Variants in CHD9 observed in about 807,000 individuals in gnomAD.
CHD9 encodes the protein chromodomain helicase DNA binding protein 9.
Under a neutral mutation model 316.1 loss-of-function variants are expected in CHD9, and 77 were observed. The ratio of observed to expected loss-of-function variants is 0.24; its 90% CI spans 0.20 to 0.29. The LOEUF (loss-of-function observed/expected upper bound fraction) is 0.29, where lower values mean the gene tolerates loss of function less well. CHD9 is among the 10% of genes least tolerant of loss of function. The pLI, the probability that CHD9 is intolerant of heterozygous loss-of-function variation, is 1.00. For synonymous variants in CHD9, 1,129 were observed against 1,158.3 expected (o/e 0.97, Z 0.51); for missense variants, 2,763 against 3,438.1 (o/e 0.80, Z 4.91).
At position 53,133,674 on chromosome 16, in the gene CHD9, G is replaced by A. The variant is rs532695339; in HGVS notation, c.-164-22252G>A. Among the ~76,000 whole-genome samples, 3 of 152,238 alleles carry A rather than the reference G, an allele frequency of 2.0e-5. No homozygotes were observed. The East Asian group carries it at 5.8e-4, about 29-fold the overall frequency. On this transcript the variant is annotated intron_variant, in intron 1 of 38. Transcript: ENST00000447540. ...ATCCTCTGAAATCAAAAACTTATGGGGTGGGCAGATATGAATACAGATAGA... is the reference window on the plus strand; with the variant it reads ...ATCCTCTGAAATCAAAAACTTATGGAGTGGGCAGATATGAATACAGATAGA...
chr16:53,225,190 A>T (rs1318940141), intron 4 of CHD9, among the ~76,000 whole-genome samples: 2 of 152,136 alleles, frequency 1.3e-5, no homozygotes, highest in Non-Finnish European at 2.9e-5. Context: ...TAAATTAAAG[A>T]CTTGCCAAAT....
At chr16:53,262,675 T>C (rs1419708416) in intron 19 of CHD9, among the ~76,000 whole-genome samples, 1 of 152,156 alleles carries the variant, frequency 6.6e-6, no homozygotes, top group Non-Finnish European at 1.5e-5. Flanking sequence ...TTAATGGTCT[T>C]GTAATGTTTT....
chr16:53,247,587 C>T (rs2049741648), intron 16 of CHD9, 84 bp downstream of exon 16: 3 of 902,850 alleles, frequency 3.3e-6, no homozygotes, highest in African/African-American at 1.7e-5. Context: ...ATGAACTTTA[C>T]TCATATCTTT....
intron 19 of CHD9, among the ~76,000 whole-genome samples, chr16:53,259,864 T>G (rs1410470951): frequency 1.3e-5 from 2 of 152,218 alleles, no homozygotes; most frequent in Admixed American, 6.5e-5. Context: ...AATACTCATT[T>G]ACCAGATTGG....
At chr16:53,269,241 TTATAGCATAAAATAATTGA>T (rs1404842913) in intron 22 of CHD9, among the ~76,000 whole-genome samples, 51 of 152,258 alleles carry the variant, frequency 3.3e-4, no homozygotes, top group Admixed American at 2.9e-3. Flanking sequence ...AATAATTATT[TTATAGCATAAAATAATTGA>T]ATTTCCAGTA....
chr16:53,302,101 T>C (rs922628607), intron 30 of CHD9, among the ~76,000 whole-genome samples: 2 of 152,198 alleles, frequency 1.3e-5, no homozygotes, highest in East Asian at 3.8e-4. Context: ...AGAGTAATTA[T>C]AGTATAATTA....
chr16:53,063,545 T>A (rs2033179001), intron 1 of CHD9, among the ~76,000 whole-genome samples: 1 of 152,030 alleles, frequency 6.6e-6, no homozygotes, highest in Non-Finnish European at 1.5e-5. Context: ...TTATTTTTAT[T>A]TTTTTGAGAC....
intron 1 of CHD9, among the ~76,000 whole-genome samples, chr16:53,076,614 A>G (rs1439572927): frequency 6.6e-6 from 1 of 151,388 alleles, no homozygotes; most frequent in Admixed American, 6.6e-5. Flanking sequence ...AAATATATAT[A>G]TATGTATAAA....
At chr16:53,161,836 C>G (rs914196190) in intron 2 of CHD9, among the ~76,000 whole-genome samples, 1 of 151,732 alleles carries the variant, frequency 6.6e-6, no homozygotes, top group Non-Finnish European at 1.5e-5. Context: ...ACTGCAACCT[C>G]TGCCTCCTGG....
At chr16:53,226,570 A>G (rs2047674171) in intron 5 of CHD9, 58 bp downstream of exon 5, 2 of 1,540,194 alleles carry the variant, frequency 1.3e-6, no homozygotes, top group Admixed American at 2.3e-5. Flanking sequence ...AATTCTATAA[A>G]TACTTGCATT....
At chr16:53,070,489 TTTCCTTCCTTCC>T (rs61654246) in intron 1 of CHD9, among the ~76,000 whole-genome samples, 61 of 144,890 alleles carry the variant, frequency 4.2e-4, no homozygotes, top group Middle Eastern at 3.4e-3. Flanking sequence ...TCTTTCTTTC[TTTCCTTCCTTCC>T]TTCCTTCCTT....
intron 2 of CHD9, among the ~76,000 whole-genome samples, chr16:53,180,863 G>C (rs1025492903): frequency 4.6e-5 from 7 of 151,082 alleles, no homozygotes; most frequent in African/African-American, 1.7e-4. Context: ...TTTTAATGGA[G>C]ACGGGGTTTC....
chr16:53,128,173 G>A (rs2039057231), intron 1 of CHD9, among the ~76,000 whole-genome samples: 1 of 147,276 alleles, frequency 6.8e-6, no homozygotes, highest in South Asian at 2.2e-4. Flanking sequence ...ACATTGAGTA[G>A]GAATGGAGAC....
chr16:53,270,863 T>C (rs1203305866), intron 22 of CHD9, among the ~76,000 whole-genome samples: 1 of 152,108 alleles, frequency 6.6e-6, no homozygotes, highest in Non-Finnish European at 1.5e-5. Context: ...TGTATAAGGA[T>C]AGAAGCTTTC....
rs767449805 is a variant in CHD9 at position 53,156,107 on chromosome 16, G to A, written c.18G>A (p.Met6Ile). 6.2e-7 allele frequency: 1 copy of A among 1,612,784 alleles called. No individual in the cohort carries two copies. The highest frequency in any genetic ancestry group is 8.5e-7 in the Non-Finnish European group (1 of 1,179,232). Residue 6 changes from methionine (M) to isoleucine (I), a missense_variant, in exon 2 of 39, where the codon ATG (methionine) becomes ATA (isoleucine). By Grantham distance (10) the Met-to-Ile change is conservative. This residue lies in a region of CHD9 where 859 missense variants were observed against 890.4 expected (regional missense o/e 0.96). Transcript: ENST00000447540. MTDPM[M>I]DFFDDANLFG... ...TTTTCAAGATGACAGATCCAATGATGGACTTTTTTGATGATGCCAATCTTT... is the reference window on the plus strand; with the variant it reads ...TTTTCAAGATGACAGATCCAATGATAGACTTTTTTGATGATGCCAATCTTT...
intron 2 of CHD9, among the ~76,000 whole-genome samples, chr16:53,175,473 C>T (rs1231085532): frequency 2.0e-5 from 3 of 152,166 alleles, no homozygotes; most frequent in African/African-American, 7.2e-5. Flanking sequence ...TATATTTTGC[C>T]TTGTTTTTCA....
intron 1 of CHD9, among the ~76,000 whole-genome samples, chr16:53,128,902 A>C (rs1169235309): frequency 6.6e-6 from 1 of 152,250 alleles, no homozygotes; most frequent in East Asian, 1.9e-4. Flanking sequence ...GTCCAAGTTC[A>C]TAATGGCATA....
At position 53,131,531 on chromosome 16, in the gene CHD9, C is replaced by T. The variant is rs981339030; in HGVS notation, c.-164-24395C>T. On this transcript the variant is annotated intron_variant, in intron 1 of 38. Coordinates refer to ENST00000447540, the MANE Select transcript of CHD9 (RefSeq NM_001308319.2). ...ATGGCTGCGGGCTGCTGCCCCCGCC[C>T]CCCGGCCCACAGCCCCCGGGGTCGG... is the stretch of plus-strand genomic sequence containing the variant. Among the ~76,000 whole-genome samples the T allele has an allele frequency of 5.3e-5, 8 of 151,034 alleles. No individual in the cohort carries two copies. The East Asian group carries it at 9.8e-4, about 18-fold the overall frequency.
chr16:53,164,788 G>T (rs900474345), intron 2 of CHD9, among the ~76,000 whole-genome samples: 2 of 151,854 alleles, frequency 1.3e-5, no homozygotes, highest in Non-Finnish European at 2.9e-5. Flanking sequence ...CAGGTAGCTG[G>T]GATTACAGTC....
Sources: allele counts gnomAD v4.1 joint callset (sites outside exome capture counted in the v4.1 genomes callset), GRCh38; gene constraint gnomAD v4.1.1; regional missense constraint gnomAD v4.1.1; transcripts MANE v1.5; gene names NCBI Gene and HGNC (gene_info 2026-07-23, HGNC 2026-07-21).